The following MYO1D variants were observed in gnomAD, a reference collection of about 807,000 sequenced individuals.
MYO1D encodes the protein unconventional myosin-Id.
A neutral mutation model predicts 122.0 loss-of-function variants in MYO1D; 83 were observed. The observed-to-expected ratio is 0.68, with a 90% CI of 0.57 to 0.82. The LOEUF (loss-of-function observed/expected upper bound fraction) is 0.82. Among genes scored for constraint, MYO1D ranks in the 40% least tolerant of loss-of-function variants. The probability of loss-of-function intolerance (pLI) is 0.00; values close to 1 mark genes in which losing one functional copy is unlikely to be tolerated. For synonymous variants in MYO1D, 464 were observed against 446.9 expected (o/e 1.04, Z -0.48); for missense variants, 1,157 against 1,269.5 (o/e 0.91, Z 1.35).
At chr17:32,740,970 C>T (rs1309578032) in intron 13 of MYO1D, among the ~76,000 whole-genome samples, 1 of 152,008 alleles carries the variant, frequency 6.6e-6, no homozygotes, top group Non-Finnish European at 1.5e-5. Flanking sequence ...CCTTCATTTA[C>T]ACAGACACAC....
chr17:32,678,891 C>G (rs2088865141), intron 16 of MYO1D, among the ~76,000 whole-genome samples: 1 of 150,854 alleles, frequency 6.6e-6, no homozygotes. Context: ...TAAAAGTGTT[C>G]CTATTTCTCC....
At chr17:32,796,404 T>TTA (rs2090417437) in intron 1 of MYO1D, among the ~76,000 whole-genome samples, 1 of 152,210 alleles carries the variant, frequency 6.6e-6, no homozygotes, top group African/African-American at 2.4e-5. Flanking sequence ...ACCATGTGAA[T>TTA]TACAGTATTA....
chr17:32,845,096 T>C (rs1447829977), intron 1 of MYO1D, among the ~76,000 whole-genome samples: 3 of 152,078 alleles, frequency 2.0e-5, no homozygotes, highest in South Asian at 4.1e-4. Context: ...ATGGCTATTC[T>C]GGGTGGTGAG....
At chr17:32,761,866 C>T (rs1267664012) in intron 8 of MYO1D, among the ~76,000 whole-genome samples, 1 of 152,076 alleles carries the variant, frequency 6.6e-6, no homozygotes, top group East Asian at 1.9e-4. Flanking sequence ...CTGATTTATT[C>T]AACAAATATT....
chr17:32,777,103 G>A lies in MYO1D; in HGVS notation c.399-1074C>T, dbSNP rs148608159. On this transcript the variant is annotated intron_variant, in intron 3 of 21. Transcript: ENST00000318217. ...TATGCCTTACTCTACTATTGTAGGT[G>A]TGAAATTAATTTATTTCTCATCTAG... Among the ~76,000 whole-genome samples, 406 of 152,198 alleles carry A rather than the reference G, an allele frequency of 2.7e-3. 1 individual carries two copies. Among genetic ancestry groups the A allele is most frequent in the South Asian group, 0.012 (58 of 4,828 alleles).
intron 1 of MYO1D, among the ~76,000 whole-genome samples, chr17:32,868,947 GC>G (rs1366576568): frequency 1.3e-5 from 2 of 152,034 alleles, no homozygotes; most frequent in African/African-American, 4.8e-5. Flanking sequence ...GGTGGCTCAT[GC>G]CTGTAATCTC....
chr17:32,836,929 A>G (rs2090831041), intron 1 of MYO1D, among the ~76,000 whole-genome samples: 1 of 152,166 alleles, frequency 6.6e-6, no homozygotes. Flanking sequence ...GCTAGGTCAT[A>G]GGATAGGTAT....
intron 1 of MYO1D, among the ~76,000 whole-genome samples, chr17:32,855,826 G>C (rs999252893): frequency 6.6e-6 from 1 of 152,218 alleles, no homozygotes; most frequent in Admixed American, 6.5e-5. Context: ...CTCATCTCTG[G>C]AACGCACAGC....
At chr17:32,855,430 G>T (rs1266278250) in intron 1 of MYO1D, among the ~76,000 whole-genome samples, 2 of 152,124 alleles carry the variant, frequency 1.3e-5, no homozygotes, top group African/African-American at 4.8e-5. Context: ...CATAGAGTAC[G>T]TATTGTTTTC....
At chr17:32,542,835 C>T (rs994559555) in intron 21 of MYO1D, among the ~76,000 whole-genome samples, 2 of 152,112 alleles carry the variant, frequency 1.3e-5, no homozygotes, top group Admixed American at 1.3e-4. Flanking sequence ...CAGAGGTATC[C>T]AAGCAAGGGT....
At chr17:32,500,188 G>A (rs955873645) in intron 21 of MYO1D, among the ~76,000 whole-genome samples, 1 of 152,192 alleles carries the variant, frequency 6.6e-6, no homozygotes, top group South Asian at 2.1e-4. Flanking sequence ...TGCTGGGGCC[G>A]CGTAAGGCTG....
intron 10 of MYO1D, 66 bp from the exon 11 acceptor site, chr17:32,755,728 C>A (rs897608359): frequency 7.7e-6 from 11 of 1,428,202 alleles, no homozygotes; most frequent in Admixed American, 4.2e-5. Flanking sequence ...AACCCTGATG[C>A]TCCCATTTGT....
At chr17:32,775,807 A>G in intron 4 of MYO1D, 57 bp downstream of exon 4, 1 of 1,374,674 alleles carries the variant, frequency 7.3e-7, no homozygotes, top group Non-Finnish European at 1.0e-6. Context: ...TATAAATATA[A>G]TTTGTTTAAA....
intron 21 of MYO1D, among the ~76,000 whole-genome samples, chr17:32,551,901 G>GTCCTTAGCC (rs2087018709): frequency 6.6e-6 from 1 of 152,014 alleles, no homozygotes. Context: ...TATCTGCTTT[G>GTCCTTAGCC]TCCTTAGCCT....
At chr17:32,584,023 C>T (rs373049890) in intron 21 of MYO1D, among the ~76,000 whole-genome samples, 39 of 152,278 alleles carry the variant, frequency 2.6e-4, no homozygotes, top group Non-Finnish European at 4.3e-4. Context: ...GGGCTGCCCT[C>T]GAACTCCTGG....
intron 16 of MYO1D, among the ~76,000 whole-genome samples, chr17:32,673,519 G>A (rs967786241): frequency 6.6e-6 from 1 of 152,170 alleles, no homozygotes; most frequent in Non-Finnish European, 1.5e-5. Context: ...ATTGATAGCT[G>A]AGCTAAGTCA....
chr17:32,571,635 C>T (rs1445491586), intron 21 of MYO1D, among the ~76,000 whole-genome samples: 3 of 151,924 alleles, frequency 2.0e-5, no homozygotes, highest in African/African-American at 7.3e-5. Flanking sequence ...ATATCCACTG[C>T]CACTTTCTAG....
rs1257530773 is a variant in MYO1D, at chr17:32,638,827, T to C, written c.2604A>G (p.Arg868=). ...LFSCHVRKVN[R]FSKVEDRAIF... is the part of the protein sequence containing the mutation. Reference sequence around the variant, plus strand: ...TTGCTCTGTCTTCCACCTTACTAAATCGATTTACCTGTAAGAGAACAAACC... The same window carrying C: ...TTGCTCTGTCTTCCACCTTACTAAACCGATTTACCTGTAAGAGAACAAACC... The change falls in exon 20 of 22, where the codon CGA becomes CGG. Residue 868 remains arginine (R), a synonymous_variant. Transcript: ENST00000318217. The C allele has an allele frequency of 6.2e-7, 1 of 1,608,498 alleles. No individual in the cohort carries two copies. The highest frequency in any genetic ancestry group is 8.5e-7 in the Non-Finnish European group (1 of 1,175,044).
At position 32,778,522 on chromosome 17, in the gene MYO1D, A is replaced by G. The variant is rs1268796258; in HGVS notation, c.356T>C (p.Ile119Thr). Residue 119 changes from isoleucine (I) to threonine (T), a missense_variant, in exon 3 of 22, where the codon ATT becomes ACT. Transcript: ENST00000318217. Reference protein sequence around the residue: ...TEASKYIMQYIAAITNPSQRA... With the variant: ...TEASKYIMQYTAAITNPSQRA... ...CTGACTGGGGTTGGTGATGGCCGCAATATACTGCATAATGTACTTACTGGC... is the reference window on the plus strand; with the variant it reads ...CTGACTGGGGTTGGTGATGGCCGCAGTATACTGCATAATGTACTTACTGGC... 1 of 1,614,016 alleles carries G rather than the reference A, an allele frequency of 6.2e-7. No individual in the cohort carries two copies. The highest frequency in any genetic ancestry group is 8.5e-7 in the Non-Finnish European group (1 of 1,179,996).
Sources: gnomAD v4.1 joint callset for allele counts (sites outside exome capture counted in the v4.1 genomes callset) on GRCh38, gnomAD v4.1.1 for gene constraint, MANE v1.5 for transcripts, NCBI Gene and HGNC (gene_info 2026-07-23, HGNC 2026-07-21) for gene names.